The following TBX1 variants were observed in gnomAD, a reference collection of about 807,000 sequenced individuals.
TBX1 encodes the protein T-box transcription factor TBX1.
A neutral mutation model predicts 40.8 loss-of-function variants in TBX1; 16 were observed. The observed-to-expected ratio is 0.39, with a 90% confidence interval of 0.27 to 0.60. TBX1 has a LOEUF of 0.60. Ranked by LOEUF, TBX1 falls within the 20% of genes least tolerant of loss-of-function variation. The pLI is 0.51. For synonymous variants in TBX1, 403 were observed against 336.8 expected (o/e 1.20, Z -2.15); for missense variants, 755 against 728.5 (o/e 1.04, Z -0.42).
chr22:19,761,311 T>TC (rs1167605639), intron 1 of TBX1, 31 bp downstream of exon 1: 3 of 1,521,186 alleles, frequency 2.0e-6, no homozygotes, highest in Admixed American at 3.8e-5. Context: ...GCCGCGACCC[T>TC]CCCCACGTGC....
At chr22:19,775,603 A>G (rs1028368311) in intron 8 of TBX1, among the ~76,000 whole-genome samples, 10 of 151,904 alleles carry the variant, frequency 6.6e-5, no homozygotes, top group Non-Finnish European at 1.3e-4. Context: ...TGGTGGGTGG[A>G]GGTGGGGTAT....
At chr22:19,766,202 AGAGGGGCGCGGGCCCCGGG>A in intron 6 of TBX1, 168 bp from the exon 7 acceptor site, 5 of 900,480 alleles carry the variant, frequency 5.6e-6, no homozygotes, top group Non-Finnish European at 6.8e-6. Flanking sequence ...CGCCGCCCGC[AGAGGGGCGCGGGCCCCGGG>A]GAGGGCTCGG....
intron 8 of TBX1, among the ~76,000 whole-genome samples, chr22:19,775,396 A>G (rs1268517768): frequency 6.6e-6 from 1 of 152,188 alleles, no homozygotes; most frequent in African/African-American, 2.4e-5. Flanking sequence ...CGCCCAGCCA[A>G]AATTTGTGTT....
chr22:19,759,713 G>A (rs758191301), upstream of TBX1: 4 of 1,609,568 alleles, frequency 2.5e-6, no homozygotes, highest in Non-Finnish European at 3.4e-6. Flanking sequence ...TGGCCCGCCC[G>A]CCAGACCCCC....
At chr22:19,769,158 A>C (rs1936946472), downstream of TBX1, among the ~76,000 whole-genome samples, 1 of 151,736 alleles carries the variant, frequency 6.6e-6, no homozygotes, top group South Asian at 2.1e-4. Context: ...ACGGGGTTTC[A>C]CCATGTTGGC....
At chr22:19,770,138 C>T (rs1936964425), downstream of TBX1, among the ~76,000 whole-genome samples, 1 of 152,188 alleles carries the variant, frequency 6.6e-6, no homozygotes, top group Admixed American at 6.5e-5. Flanking sequence ...GCCCCGTTGC[C>T]CTCCCCTAGC....
chr22:19,765,551 T>TAGTGAGAGA (rs1435339894), intron 4 of TBX1, among the ~76,000 whole-genome samples: 4 of 151,900 alleles, frequency 2.6e-5, no homozygotes, highest in Non-Finnish European at 5.9e-5. Flanking sequence ...AGGGGTTCCC[T>TAGTGAGAGA]AGTGAGAGAG....
At chr22:19,768,950 A>ATTTTTTTT (rs1601297935), downstream of TBX1, among the ~76,000 whole-genome samples, 2 of 70,714 alleles carry the variant, frequency 2.8e-5, no homozygotes, top group East Asian at 5.1e-4. Context: ...GGCTGTTCGC[A>ATTTTTTTT]TTCTTTTTTT....
chr22:19,766,024 C>T (rs1186929009), intron 6 of TBX1, 22 bp downstream of exon 6: 109 of 1,486,216 alleles, frequency 7.3e-5, no homozygotes, highest in Non-Finnish European at 9.3e-5. Flanking sequence ...GTCGTGGGAT[C>T]CGGGTTCCGG....
intron 6 of TBX1, 83 bp downstream of exon 6, chr22:19,766,085 G>GC: frequency 2.5e-6 from 3 of 1,187,102 alleles, no homozygotes; most frequent in South Asian, 2.3e-5. Context: ...CCTCGCCTGC[G>GC]CCCCCGGGGC....
downstream of TBX1, among the ~76,000 whole-genome samples, chr22:19,769,225 T>G (rs1936947700): frequency 6.6e-6 from 1 of 152,178 alleles, no homozygotes; most frequent in Admixed American, 6.5e-5. Flanking sequence ...TCTTCCAAAA[T>G]GCTGGGCTTT....
At position 19,774,625 on chromosome 22, in the gene TBX1, A is replaced by G. The variant is rs540405292; in HGVS notation, c.1010-4595A>G. 9.1e-4 allele frequency among the ~76,000 whole-genome samples: 139 copies of G among 152,222 alleles called. 1 individual carries two copies. Among genetic ancestry groups the G allele is most frequent in the African/African-American group, 3.2e-3 (131 of 41,552 alleles). Reference sequence around the variant, plus strand: ...ATGTGGTGTGTGTGTACCGTGGAGTATTATCCAGCCTTAAAGAGGAAGGGA... The same window carrying G: ...ATGTGGTGTGTGTGTACCGTGGAGTGTTATCCAGCCTTAAAGAGGAAGGGA... On this transcript the variant is annotated intron_variant, in intron 8 of 8. Coordinates refer to the TBX1 transcript ENST00000329705.
At chr22:19,766,203 G>C in intron 6 of TBX1, 186 bp from the exon 7 acceptor site, 1 of 930,492 alleles carries the variant, frequency 1.1e-6, no homozygotes, top group Non-Finnish European at 1.3e-6. Context: ...GCCGCCCGCA[G>C]AGGGGCGCGG....
At chr22:19,763,554 C>G in intron 2 of TBX1, 1 of 593,604 alleles carries the variant, frequency 1.7e-6, no homozygotes, top group Non-Finnish European at 3.0e-6. Context: ...CCTCTGGAGC[C>G]GCAGGCTGCA....
At chr22:19,770,287 T>C (rs1936967143), downstream of TBX1, among the ~76,000 whole-genome samples, 1 of 151,952 alleles carries the variant, frequency 6.6e-6, no homozygotes, top group Admixed American at 6.6e-5. Context: ...TAAGCGGGGG[T>C]GGGGACCATC....
rs41297784 is a variant in TBX1, at chr22:19,774,103, C to T, written c.1010-5117C>T. Among the ~76,000 whole-genome samples, 360 of 152,314 alleles carry T rather than the reference C, an allele frequency of 2.4e-3. 1 individual carries two copies. Among genetic ancestry groups the T allele is most frequent in the African/African-American group, 8.0e-3 (332 of 41,568 alleles). ...TAAAAAACAAAAACAGAAAACAACA[C>T]GTGTTGGTGAGGACATGGAGCCCCT... On this transcript the variant is annotated intron_variant, in intron 8 of 8. Transcript: ENST00000329705.
At chr22:19,783,224 C>CTG, downstream of TBX1, 1 of 606,516 alleles carries the variant, frequency 1.6e-6, no homozygotes, top group Non-Finnish European at 3.0e-6. Flanking sequence ...TTATGCTGCT[C>CTG]TGTTTGAGGT....
At chr22:19,779,374 G>A in exon 9 of TBX1, 1 of 1,614,246 alleles carries the variant, frequency 6.2e-7, no homozygotes, top group Admixed American at 1.7e-5. Context: ...AGGGCCTGGT[G>A]GCTGGGAGGA....
chr22:19,766,905 G>T lies in TBX1; in HGVS notation c.*38G>T, dbSNP rs752531044. 117 of 1,573,846 alleles carry T rather than the reference G, an allele frequency of 7.4e-5. 1 individual carries two copies. The highest frequency in any genetic ancestry group is 9.7e-5 in the Non-Finnish European group (113 of 1,168,192). On this transcript the variant is annotated 3_prime_UTR_variant, in exon 7 of 7. Transcript: ENST00000649276. Reference sequence around the variant, plus strand: ...CGCGCTCCCGCCCCGGTCCTGCACAGCCCCGAAGTTCGCCGGGCCCGGCCA... The same window carrying T: ...CGCGCTCCCGCCCCGGTCCTGCACATCCCCGAAGTTCGCCGGGCCCGGCCA...
Sources: gnomAD v4.1 joint callset for allele counts (sites outside exome capture counted in the v4.1 genomes callset) on GRCh38, gnomAD v4.1.1 for gene constraint, MANE v1.5 for transcripts, NCBI Gene and HGNC (gene_info 2026-07-23, HGNC 2026-07-21) for gene names.